NOL4L: variants seen among roughly 807,000 people sequenced by gnomAD.
NOL4L encodes the protein nucleolar protein 4-like.
A neutral mutation model predicts 64.5 loss-of-function variants in NOL4L; 7 were observed. The ratio of observed to expected loss-of-function variants is 0.11; its 90% CI spans 0.06 to 0.20. The LOEUF is 0.20. Ranked by LOEUF, NOL4L falls within the 10% of genes least tolerant of loss-of-function variation. The pLI is 1.00. For synonymous variants in NOL4L, 413 were observed against 401.0 expected (o/e 1.03, Z -0.36); for missense variants, 680 against 967.1 (o/e 0.70, Z 3.94).
chr20:32,536,792 C>A (rs1438010764), intron 1 of NOL4L, among the ~76,000 whole-genome samples: 2 of 24,740 alleles, frequency 8.1e-5, no homozygotes, highest in Non-Finnish European at 1.5e-4. Flanking sequence ...TGCAGCCCGG[C>A]TGGGAGTGGG....
rs75937834 is a variant in NOL4L, at chr20:32,460,856, G to A, written c.842-4461C>T. Among the ~76,000 whole-genome samples, 2,207 of 152,276 alleles carry A rather than the reference G, an allele frequency of 0.014. 58 individuals are homozygous for A. The highest frequency in any genetic ancestry group is 0.051 in the African/African-American group (2,100 of 41,546). On this transcript the variant is annotated intron_variant, in intron 5 of 10. Transcript: ENST00000621426. The surrounding 1 kb of genome is among the most constrained non-coding windows in gnomAD (Gnocchi z 5.7). ...ACCTGAGGGCTCCAGAGGAGACGGG[G>A]CTCTGAAGGGGTGTCACCAGCTTTC...
At position 32,444,208 on chromosome 20, in the gene NOL4L, A is replaced by T. The variant is rs2012238993; in HGVS notation, c.*3388T>A. On this transcript the variant is annotated 3_prime_UTR_variant, in exon 11 of 11. Transcript: ENST00000621426. ...CATTGGTCTTAGGTAGATACAGGCG[A>T]AAAAGGATTGAGCTGTTTAGCTCAG... 1 of 152,240 alleles carries T rather than the reference A, an allele frequency of 6.6e-6. No homozygotes were observed. The highest frequency in any genetic ancestry group is 6.5e-5 in the Admixed American group (1 of 15,290). The allele number at this position is 152,240 out of a possible 1,614,324, so 9.4% of individuals were successfully genotyped here. A position where few individuals can be genotyped will look rare whatever the true frequency, so the allele number is the denominator to read the frequency against.
chr20:32,448,350 C>T (rs2012518152), intron 10 of NOL4L, among the ~76,000 whole-genome samples: 2 of 151,988 alleles, frequency 1.3e-5, no homozygotes, highest in Non-Finnish European at 2.9e-5. Context: ...AGAGTCGAGC[C>T]ACAAAAGGCC....
chr20:32,507,867 C>T (rs1008299904), intron 4 of NOL4L, among the ~76,000 whole-genome samples: 1 of 152,062 alleles, frequency 6.6e-6, no homozygotes, highest in Non-Finnish European at 1.5e-5. Flanking sequence ...AAAAAGTAGC[C>T]AGGCCTAGTG....
intron 5 of NOL4L, among the ~76,000 whole-genome samples, chr20:32,472,869 C>T (rs2015118435): frequency 6.6e-6 from 1 of 152,182 alleles, no homozygotes; most frequent in African/African-American, 2.4e-5. Context: ...AAGGTGGTGT[C>T]TGACTACCCC....
intron 4 of NOL4L, among the ~76,000 whole-genome samples, chr20:32,480,597 C>T (rs941437928): frequency 2.0e-5 from 3 of 152,140 alleles, no homozygotes; most frequent in Admixed American, 6.5e-5. Context: ...CCACACGAGG[C>T]GACTCTCCCC....
Position 32,559,677 on chromosome 20 carries a change from A to G in NOL4L, c.321+24893T>C, listed in dbSNP as rs181517856. ...CAGGCCCCCAGGCGCCAGGACTGGA[A>G]TGCATGGCCTAGTTCTGAGGGCCCA... On this transcript the variant is annotated intron_variant, in intron 1 of 10. Transcript: ENST00000621426. 5.4e-4 allele frequency among the ~76,000 whole-genome samples: 83 copies of G among 152,330 alleles called. 3 individuals are homozygous for G. The highest frequency in any genetic ancestry group is 1.3e-3 in the Admixed American group (20 of 15,312).
chr20:32,490,852 C>T (rs181388283), intron 4 of NOL4L, among the ~76,000 whole-genome samples: 31 of 152,338 alleles, frequency 2.0e-4, no homozygotes, highest in Middle Eastern at 3.4e-3. Context: ...CAGTCACCGG[C>T]GGAATCGAGT....
At chr20:32,521,800 C>T (rs1303347949) in intron 2 of NOL4L, among the ~76,000 whole-genome samples, 1 of 152,250 alleles carries the variant, frequency 6.6e-6, no homozygotes, top group African/African-American at 2.4e-5. Flanking sequence ...AGAGTCCCTT[C>T]AGTCCCAGGT....
At chr20:32,548,881 A>G (rs1457777591) in intron 1 of NOL4L, 1 of 430,316 alleles carries the variant, frequency 2.3e-6, no homozygotes, top group Non-Finnish European at 4.6e-6. Flanking sequence ...ATTGAATACT[A>G]CACAGCTGTA....
At chr20:32,541,500 G>A (rs1400510678) in intron 1 of NOL4L, among the ~76,000 whole-genome samples, 1 of 152,250 alleles carries the variant, frequency 6.6e-6, no homozygotes, top group African/African-American at 2.4e-5. Context: ...GGATGGTGGT[G>A]GGGGTGGCGG....
Position 32,584,813 on chromosome 20 carries a change from C to T in NOL4L, c.78G>A (p.Gln26=). The change falls in exon 1 of 11, where the codon CAG becomes CAA. Residue 26 remains glutamine (Q), a synonymous_variant. Coordinates refer to ENST00000621426, the MANE Select transcript of NOL4L (RefSeq NM_001256798.2). ...AGGTGCGCAAGCACCAGTCCCGGAACTGGCGGCCCAGCTCCGAGTCCCCGG... is the reference window on the plus strand; with the variant it reads ...AGGTGCGCAAGCACCAGTCCCGGAATTGGCGGCCCAGCTCCGAGTCCCCGG... ...RSPGDSELGR[Q]FRDWCLRTYG... The T allele has an allele frequency of 6.5e-7, 1 of 1,528,944 alleles. No individual in the cohort carries two copies. The highest frequency in any genetic ancestry group is 8.8e-7 in the Non-Finnish European group (1 of 1,141,714). The allele number at this position is 1,528,944 out of a possible 1,614,324, so 94.7% of individuals were successfully genotyped here.
At chr20:32,538,554 G>A (rs1416425280) in intron 1 of NOL4L, among the ~76,000 whole-genome samples, 1 of 141,812 alleles carries the variant, frequency 7.1e-6, no homozygotes, top group Non-Finnish European at 1.5e-5. Context: ...AGAACCCAGC[G>A]TTCCCCAACC....
chr20:32,571,739 C>A (rs985935483), intron 1 of NOL4L, among the ~76,000 whole-genome samples: 3 of 152,238 alleles, frequency 2.0e-5, no homozygotes, highest in African/African-American at 7.2e-5. Flanking sequence ...ACTGGCCACA[C>A]GTCTGCTCTT....
At chr20:32,580,592 G>A (rs1980403512) in intron 1 of NOL4L, among the ~76,000 whole-genome samples, 2 of 152,210 alleles carry the variant, frequency 1.3e-5, no homozygotes, top group South Asian at 4.1e-4. Flanking sequence ...TTTTGAGAGT[G>A]GAGTTTGGCA....
chr20:32,488,800 T>C (rs1455363396), intron 4 of NOL4L, among the ~76,000 whole-genome samples: 6,334 of 34,224 alleles, frequency 0.19, 602 homozygotes, highest in East Asian at 0.31. Flanking sequence ...CCTTTCTTTC[T>C]TTCTTTTTCT....
At chr20:32,523,907 G>A (rs1219314484) in intron 2 of NOL4L, among the ~76,000 whole-genome samples, 2 of 152,192 alleles carry the variant, frequency 1.3e-5, no homozygotes, top group Admixed American at 6.5e-5. Context: ...CAACTCAGAG[G>A]CCAACAAAGA....
chr20:32,564,429 C>A (rs914877995), intron 1 of NOL4L, among the ~76,000 whole-genome samples: 2 of 152,198 alleles, frequency 1.3e-5, no homozygotes, highest in African/African-American at 4.8e-5. Context: ...AGCAACTGCC[C>A]AAGGCCACCT....
intron 4 of NOL4L, among the ~76,000 whole-genome samples, chr20:32,509,548 AAG>A (rs1353586473): frequency 6.6e-6 from 1 of 151,496 alleles, no homozygotes; most frequent in Non-Finnish European, 1.5e-5. Context: ...AAAGAAAAGA[AAG>A]AAAATCTAGG....
Sources: gnomAD v4.1 joint callset for allele counts (sites outside exome capture counted in the v4.1 genomes callset) on GRCh38, gnomAD v4.1.1 for gene constraint, Gnocchi (gnomAD v3.1) non-coding constraint, MANE v1.5 for transcripts, NCBI Gene and HGNC (gene_info 2026-07-23, HGNC 2026-07-21) for gene names.